The following FBH1 variants were observed in gnomAD, a reference collection of about 807,000 sequenced individuals.
FBH1 encodes F-box DNA helicase 1.
In FBH1, 43 loss-of-function variants were observed where a neutral mutation model predicts 115.5. That is an observed-to-expected ratio of 0.37 (90% confidence interval 0.29 to 0.48). FBH1 has a LOEUF of 0.48. Among genes scored for constraint, FBH1 ranks in the 20% least tolerant of loss-of-function variants. The probability of loss-of-function intolerance (pLI) is 0.99; values close to 1 mark genes in which losing one functional copy is unlikely to be tolerated. For missense variants in FBH1, 1,001 were observed against 1,337.3 expected (o/e 0.75, Z 3.92); for synonymous variants, 524 against 507.8 (o/e 1.03, Z -0.43).
Position 5,936,706 on chromosome 10 carries a change from G to A in FBH1, c.2961+119G>A, listed in dbSNP as rs1833383079. Reference sequence around the variant, plus strand: ...AGAGCTGTGTGATCCTTTATTAGGGGCTTTTCATATGAGAGGCACAAGAGG... The same window carrying A: ...AGAGCTGTGTGATCCTTTATTAGGGACTTTTCATATGAGAGGCACAAGAGG... On this transcript the variant is annotated intron_variant, in intron 20 of 20. Coordinates refer to ENST00000362091, the MANE Select transcript of FBH1 (RefSeq NM_178150.3). The surrounding 1 kb of genome is among the most constrained non-coding windows in gnomAD (Gnocchi z 5.6). 4 of 1,322,872 alleles carry A rather than the reference G, an allele frequency of 3.0e-6. No homozygotes were observed. Among genetic ancestry groups the A allele is most frequent in the Non-Finnish European group, 4.2e-6 (4 of 951,476 alleles). The allele number at this position is 1,322,872 out of a possible 1,614,324, so 81.9% of individuals were successfully genotyped here. A position where few individuals can be genotyped will look rare whatever the true frequency, so the allele number is the denominator to read the frequency against.
rs76525949 is a variant in FBH1 at position 5,917,265 on chromosome 10, G to T, written c.1789-155G>T. 4.6e-6 allele frequency: 3 copies of T among 645,614 alleles called. No individual in the cohort carries two copies. In the East Asian group the frequency reaches 8.2e-5, roughly 18 times the overall value. The allele number at this position is 645,614 out of a possible 1,614,324, so 40.0% of individuals were successfully genotyped here. On this transcript the variant is annotated intron_variant, in intron 10 of 20. Coordinates refer to ENST00000362091, the MANE Select transcript of FBH1 (RefSeq NM_178150.3). This position sits in a 1 kb window ranked among gnomAD's most constrained non-coding sequence, Gnocchi z 5.6. ...GGAGACCCTCTGGCGTGGAGAGGCT[G>T]TTGAGGAGACCCAGGAGGTTAGGGT...
At position 5,916,471 on chromosome 10, in the gene FBH1, G is replaced by A. The variant is rs1831942687; in HGVS notation, c.1788+15G>A. On this transcript the variant is annotated intron_variant, in intron 10 of 20. Transcript: ENST00000362091. Reference sequence around the variant, plus strand: ...GTGAAAAACTGGTGAGTGTCTAAGTGTCTGAAGTGTTAGGGATCTGAGGAT... The same window carrying A: ...GTGAAAAACTGGTGAGTGTCTAAGTATCTGAAGTGTTAGGGATCTGAGGAT... The A allele has an allele frequency of 6.4e-7, 1 of 1,571,676 alleles. No individual in the cohort carries two copies. The highest frequency in any genetic ancestry group is 1.7e-5 in the Admixed American group (1 of 57,456).
rs1833432231 is a variant in FBH1 at position 5,937,375 on chromosome 10, G to A, written c.*95G>A. ...GGGGGCTTCTGCTCCCTGAGACTCT[G>A]GGTTCACCCACAGCACTTTCTGAGG... On this transcript the variant is annotated 3_prime_UTR_variant, in exon 21 of 21. Transcript: ENST00000362091. The A allele has an allele frequency of 3.7e-6, 5 of 1,335,026 alleles. No individual in the cohort carries two copies. Among genetic ancestry groups the A allele is most frequent in the Non-Finnish European group, 4.9e-6 (5 of 1,018,880 alleles). The allele number at this position is 1,335,026 out of a possible 1,614,324, so 82.7% of individuals were successfully genotyped here. A position where few individuals can be genotyped will look rare whatever the true frequency, so the allele number is the denominator to read the frequency against.
rs530158647 is a variant in FBH1, at chr10:5,925,128, C to T, written c.2597-239C>T. ...CACTCTGTCCTCTGGGATGTGATTC[C>T]GAGAGGCGTTAACTCTCCTGCAACT... On this transcript the variant is annotated intron_variant, in intron 17 of 20. Coordinates refer to ENST00000362091, the MANE Select transcript of FBH1 (RefSeq NM_178150.3). This position sits in a 1 kb window ranked among gnomAD's most constrained non-coding sequence, Gnocchi z 4.6. The T allele has an allele frequency of 1.5e-5, 7 of 480,124 alleles. No homozygotes were observed. Among genetic ancestry groups the T allele is most frequent in the South Asian group, 4.4e-5 (2 of 45,380 alleles). 29.7% of individuals were successfully genotyped at this position (480,124 alleles called of 1,614,324 possible).
chr10:5,923,770 G>A lies in FBH1; in HGVS notation c.2398+74G>A, dbSNP rs936722236. The A allele has an allele frequency of 2.9e-6, 4 of 1,383,416 alleles. No homozygotes were observed. Among genetic ancestry groups the A allele is most frequent in the Non-Finnish European group, 4.1e-6 (4 of 981,996 alleles). The allele number at this position is 1,383,416 out of a possible 1,614,324, so 85.7% of individuals were successfully genotyped here. ...CAGGGACGAGAAAGAAGCAGGCCCA[G>A]TCTGAGTCAGGGACCCGTTTCCCTC... On this transcript the variant is annotated intron_variant, in intron 16 of 20. Transcript: ENST00000362091. The surrounding 1 kb of genome is among the most constrained non-coding windows in gnomAD (Gnocchi z 5.7).
Position 5,920,222 on chromosome 10 carries a change from G to A in FBH1, c.2101-1036G>A, listed in dbSNP as rs566796099. On this transcript the variant is annotated intron_variant, in intron 13 of 20. Transcript: ENST00000362091. ...GATTTGTCTAATGTCTTTTCTCATG[G>A]TTAGGCTAGAGTCCTGGGTTCTGGG... Among the ~76,000 whole-genome samples the A allele has an allele frequency of 3.3e-5, 5 of 152,334 alleles. No homozygotes were observed. The East Asian group carries it at 9.6e-4, about 29-fold the overall frequency.
intron 2 of FBH1, 59 bp downstream of exon 2, chr10:5,903,234 A>G (rs1368330912): frequency 1.0e-5 from 14 of 1,343,316 alleles, no homozygotes; most frequent in Admixed American, 2.4e-5. Context: ...TCCTTTGACT[A>G]TCTCCTAGTT....
At chr10:5,889,958 C>G (rs910193975), upstream of FBH1, 1 of 187,712 alleles carries the variant, frequency 5.3e-6, no homozygotes, top group African/African-American at 2.4e-5. Context: ...TCGACCGCCG[C>G]TGCTCCGCGG....
At chr10:5,893,150 CA>C (rs1564426560) in intron 1 of FBH1, among the ~76,000 whole-genome samples, 1 of 152,076 alleles carries the variant, frequency 6.6e-6, no homozygotes, top group Non-Finnish European at 1.5e-5. Flanking sequence ...TACTAAAATA[CA>C]AAAAATTAGC....
chr10:5,924,229 A>ATG lies in FBH1; in HGVS notation c.2399-82_2399-81insTG. On this transcript the variant is annotated intron_variant, in intron 16 of 20. Transcript: ENST00000362091. The surrounding 1 kb of genome is among the most constrained non-coding windows in gnomAD (Gnocchi z 6.2). ...ACTTTAAGACCATCTGCTCTTGCGCAGCTGCTTAGGAACGTGCAGCACCTG... is the reference window on the plus strand; with the variant it reads ...ACTTTAAGACCATCTGCTCTTGCGCATGGCTGCTTAGGAACGTGCAGCACCTG... 3.6e-6 allele frequency: 5 copies of ATG among 1,395,384 alleles called. No homozygotes were observed. In the South Asian group the frequency reaches 4.8e-5, roughly 13 times the overall value. 86.4% of individuals were successfully genotyped at this position (1,395,384 alleles called of 1,614,324 possible). A position where few individuals can be genotyped will look rare whatever the true frequency, so the allele number is the denominator to read the frequency against.
At chr10:5,903,284 C>A in intron 2 of FBH1, 109 bp downstream of exon 2, 3 of 778,196 alleles carry the variant, frequency 3.9e-6, no homozygotes, top group Non-Finnish European at 5.6e-6. Flanking sequence ...AGTTTGTAGT[C>A]TTCATGCAAT....
chr10:5,925,272 C>A lies in FBH1; in HGVS notation c.2597-95C>A. Reference sequence around the variant, plus strand: ...AAACTGCACTGAGGCAAGAAATGTTCGAGTTCAGAGTCAAGTGGGAAACAT... The same window carrying A: ...AAACTGCACTGAGGCAAGAAATGTTAGAGTTCAGAGTCAAGTGGGAAACAT... On this transcript the variant is annotated intron_variant, in intron 17 of 20. Coordinates refer to ENST00000362091, the MANE Select transcript of FBH1 (RefSeq NM_178150.3). This position sits in a 1 kb window ranked among gnomAD's most constrained non-coding sequence, Gnocchi z 4.6. The A allele has an allele frequency of 3.4e-6, 5 of 1,480,884 alleles. No homozygotes were observed. Among genetic ancestry groups the A allele is most frequent in the Non-Finnish European group, 3.7e-6 (4 of 1,088,630 alleles). 91.7% of individuals were successfully genotyped at this position (1,480,884 alleles called of 1,614,324 possible). A position where few individuals can be genotyped will look rare whatever the true frequency, so the allele number is the denominator to read the frequency against.
intron 1 of FBH1, among the ~76,000 whole-genome samples, chr10:5,901,888 A>G (rs1843368379): frequency 6.6e-6 from 1 of 152,196 alleles, no homozygotes; most frequent in South Asian, 2.1e-4. Flanking sequence ...TAAGAAGTGT[A>G]TCTTTACATT....
chr10:5,896,838 T>C (rs1255032375), intron 1 of FBH1, among the ~76,000 whole-genome samples: 1 of 151,940 alleles, frequency 6.6e-6, no homozygotes, highest in Non-Finnish European at 1.5e-5. Flanking sequence ...TTACAGGAGG[T>C]GTAAAGTGCA....
Position 5,923,875 on chromosome 10 carries a change from A to G in FBH1, c.2398+179A>G, listed in dbSNP as rs921141798. 2.7e-5 allele frequency: 16 copies of G among 600,796 alleles called. No homozygotes were observed. The highest frequency in any genetic ancestry group is 2.0e-4 in the African/African-American group (11 of 53,698). The allele number at this position is 600,796 out of a possible 1,614,324, so 37.2% of individuals were successfully genotyped here. On this transcript the variant is annotated intron_variant, in intron 16 of 20. Transcript: ENST00000362091. The surrounding 1 kb of genome is among the most constrained non-coding windows in gnomAD (Gnocchi z 5.7). ...GCCTCCTGTTTTCATAGGTACTGACAGATTTTTCCAGATCCTCCTCACAGG... is the reference window on the plus strand; with the variant it reads ...GCCTCCTGTTTTCATAGGTACTGACGGATTTTTCCAGATCCTCCTCACAGG...
rs938101327 is a variant in FBH1 at position 5,924,614 on chromosome 10, C to A, written c.2596+106C>A. ...ACAGAGTATTGCTCTGTTGCCCAGGCTGGAGTGCAGTGGCGTGATCTTGGC... is the reference window on the plus strand; with the variant it reads ...ACAGAGTATTGCTCTGTTGCCCAGGATGGAGTGCAGTGGCGTGATCTTGGC... On this transcript the variant is annotated intron_variant, in intron 17 of 20. Coordinates refer to ENST00000362091, the MANE Select transcript of FBH1 (RefSeq NM_178150.3). The surrounding 1 kb of genome is among the most constrained non-coding windows in gnomAD (Gnocchi z 6.2). The A allele has an allele frequency of 6.9e-4, 815 of 1,184,042 alleles. 2 individuals are homozygous for A. The highest frequency in any genetic ancestry group is 9.3e-4 in the Non-Finnish European group (773 of 828,120). The allele number at this position is 1,184,042 out of a possible 1,614,324, so 73.3% of individuals were successfully genotyped here. A position where few individuals can be genotyped will look rare whatever the true frequency, so the allele number is the denominator to read the frequency against.
Position 5,914,346 on chromosome 10 carries a change from C to A in FBH1, c.1396+77C>A. The stretch of plus-strand genomic sequence containing the variant: ...CCTACATCCCCTTCCCGCTACCTGC[C>A]AGGGCATCTTTGCTCTGATCTGTCA... On this transcript the variant is annotated intron_variant, in intron 8 of 20. Transcript: ENST00000362091. This position sits in a 1 kb window ranked among gnomAD's most constrained non-coding sequence, Gnocchi z 5.2. 1 of 1,204,126 alleles carries A rather than the reference C, an allele frequency of 8.3e-7. No individual in the cohort carries two copies. The highest frequency in any genetic ancestry group is 1.2e-6 in the Non-Finnish European group (1 of 808,546). 74.6% of individuals were successfully genotyped at this position (1,204,126 alleles called of 1,614,324 possible). A position where few individuals can be genotyped will look rare whatever the true frequency, so the allele number is the denominator to read the frequency against.
Position 5,906,706 on chromosome 10 carries a change from G to C in FBH1, c.753+74G>C, listed in dbSNP as rs1843716296. The C allele has an allele frequency of 1.6e-6, 2 of 1,247,472 alleles. No individual in the cohort carries two copies. The highest frequency in any genetic ancestry group is 2.2e-6 in the Non-Finnish European group (2 of 895,890). The allele number at this position is 1,247,472 out of a possible 1,614,324, so 77.3% of individuals were successfully genotyped here. On this transcript the variant is annotated intron_variant, in intron 3 of 20. Transcript: ENST00000362091. This position sits in a 1 kb window ranked among gnomAD's most constrained non-coding sequence, Gnocchi z 7.3. ...TTTGCTTAATGCACGCTTATAATCA[G>C]AGGATCTTTTCAGAAATGGTTTCCA...
rs1299311293 is a variant in FBH1, at chr10:5,923,415, C to T, written c.2323-206C>T. Among the ~76,000 whole-genome samples the T allele has an allele frequency of 1.3e-5, 2 of 152,174 alleles. No individual in the cohort carries two copies. Among genetic ancestry groups the T allele is most frequent in the African/African-American group, 2.4e-5 (1 of 41,428 alleles). ...GTGGTCCCTGTGAGTGTTCAGGCCA[C>T]GTGGCAGCCTTGCGCTTTCTGCTTC... On this transcript the variant is annotated intron_variant, in intron 15 of 20. Coordinates refer to ENST00000362091, the MANE Select transcript of FBH1 (RefSeq NM_178150.3). This position sits in a 1 kb window ranked among gnomAD's most constrained non-coding sequence, Gnocchi z 5.7.
Sources: allele counts gnomAD v4.1 joint callset (sites outside exome capture counted in the v4.1 genomes callset), GRCh38; gene constraint gnomAD v4.1.1; non-coding constraint Gnocchi (gnomAD v3.1); transcripts MANE v1.5; gene names NCBI Gene and HGNC (gene_info 2026-07-23, HGNC 2026-07-21).